SLC2A9: variants seen among roughly 807,000 people sequenced by gnomAD.
The protein encoded by SLC2A9 is solute carrier family 2 member 9, also known as solute carrier family 2, facilitated glucose transporter member 9.
A neutral mutation model predicts 50.6 loss-of-function variants in SLC2A9; 39 were observed. That is an observed-to-expected ratio of 0.77 (90% CI 0.60 to 1.01). SLC2A9 has a LOEUF of 1.01. Ranked by LOEUF, SLC2A9 falls within the 50% of genes least tolerant of loss-of-function variation. The probability of loss-of-function intolerance (pLI) is 0.00; values close to 1 mark genes in which losing one functional copy is unlikely to be tolerated. For synonymous variants in SLC2A9, 324 were observed against 276.9 expected (o/e 1.17, Z -1.69); for missense variants, 686 against 677.6 (o/e 1.01, Z -0.14).
intron 10 of SLC2A9, among the ~76,000 whole-genome samples, chr4:9,881,066 G>T (rs1735119245): frequency 6.6e-6 from 1 of 152,190 alleles, no homozygotes; most frequent in South Asian, 2.1e-4. Context: ...TGCACTCCGG[G>T]GAGTGGTTCC....
At chr4:9,795,611 T>A (rs891741368), downstream of SLC2A9, among the ~76,000 whole-genome samples, 1 of 152,230 alleles carries the variant, frequency 6.6e-6, no homozygotes, top group South Asian at 2.1e-4. Flanking sequence ...CTGGAAAGCA[T>A]TTTTGTGATG....
chr4:9,845,911 T>C (rs1165570417), intron 10 of SLC2A9, among the ~76,000 whole-genome samples: 1 of 152,268 alleles, frequency 6.6e-6, no homozygotes, highest in Non-Finnish European at 1.5e-5. Context: ...GCATTCTGTT[T>C]TGTTTATGTA....
At position 10,036,620 on chromosome 4, in the gene SLC2A9, T is replaced by C. The variant is rs1764112936; in HGVS notation, c.-41+3510A>G. On this transcript the variant is annotated intron_variant, in intron 1 of 12. Coordinates refer to the SLC2A9 transcript ENST00000309065. ...TTTTACATGGCTGTTTAACATTCTA[T>C]CTTTTACTCGGCCATATTTCATTTA... 1.3e-5 allele frequency among the ~76,000 whole-genome samples: 2 copies of C among 152,242 alleles called. 1 individual carries two copies. Among genetic ancestry groups the C allele is most frequent in the Admixed American group, 1.3e-4 (2 of 15,282 alleles).
intron 5 of SLC2A9, among the ~76,000 whole-genome samples, chr4:9,957,928 A>G (rs1297460217): frequency 1.3e-5 from 2 of 152,224 alleles, no homozygotes; most frequent in African/African-American, 4.8e-5. Flanking sequence ...GGAAATGAGT[A>G]TTGAGAATTC....
chr4:9,774,264 ATTAAAGGCG>A (rs1210458062), intron 1 of SLC2A9, among the ~76,000 whole-genome samples: 1 of 152,132 alleles, frequency 6.6e-6, no homozygotes, highest in Non-Finnish European at 1.5e-5. Context: ...AAGTGCTGGG[ATTAAAGGCG>A]TGAGCCACCA....
chr4:9,891,504 C>T (rs2109793979), intron 8 of SLC2A9, among the ~76,000 whole-genome samples: 1 of 152,352 alleles, frequency 6.6e-6, no homozygotes, highest in East Asian at 1.9e-4. Context: ...AAATATCCTT[C>T]CACAAGAGTG....
At chr4:10,033,045 G>A (rs145365371) in intron 1 of SLC2A9, among the ~76,000 whole-genome samples, 82 of 152,290 alleles carry the variant, frequency 5.4e-4, no homozygotes, top group Admixed American at 1.4e-3. Flanking sequence ...CCACCTATGT[G>A]CAGACTCCTC....
chr4:9,835,813 G>A (rs55653516), intron 10 of SLC2A9, among the ~76,000 whole-genome samples: 15,708 of 152,026 alleles, frequency 0.1, 882 homozygotes, highest in African/African-American at 0.11. Flanking sequence ...GGGGCCAGGC[G>A]CGGTGGCTCA....
At chr4:9,933,554 C>T (rs1746524233) in intron 6 of SLC2A9, among the ~76,000 whole-genome samples, 1 of 152,220 alleles carries the variant, frequency 6.6e-6, no homozygotes, top group African/African-American at 2.4e-5. Context: ...CATTTCCTCG[C>T]TGAGTCTTAG....
intron 5 of SLC2A9, among the ~76,000 whole-genome samples, chr4:9,974,983 T>C (rs1754549128): frequency 6.6e-6 from 1 of 152,192 alleles, no homozygotes; most frequent in African/African-American, 2.4e-5. Context: ...TTGACAAAGT[T>C]GACAGAAATA....
upstream of SLC2A9, among the ~76,000 whole-genome samples, chr4:10,022,341 G>T (rs146158632): frequency 5.2e-3 from 794 of 152,340 alleles, 7 homozygotes; most frequent in Middle Eastern, 0.02. Context: ...CAAAGGCGAG[G>T]GCTGTGGGTT....
intron 5 of SLC2A9, among the ~76,000 whole-genome samples, chr4:9,967,361 G>A (rs181617626): frequency 2.4e-3 from 371 of 152,106 alleles, no homozygotes; most frequent in African/African-American, 8.5e-3. Flanking sequence ...CTAAAATTAT[G>A]TTATGTTGAA....
At chr4:9,813,369 A>G (rs544876776) in intron 3 of SLC2A9, among the ~76,000 whole-genome samples, 62 of 152,324 alleles carry the variant, frequency 4.1e-4, no homozygotes, top group African/African-American at 1.3e-3. Context: ...CCATGTCTTC[A>G]GCCCTTGGTC....
At chr4:9,894,350 T>A (rs1481816907) in intron 8 of SLC2A9, among the ~76,000 whole-genome samples, 1 of 152,198 alleles carries the variant, frequency 6.6e-6, no homozygotes, top group Non-Finnish European at 1.5e-5. Flanking sequence ...AAACATGTAG[T>A]TATATAATAT....
At chr4:9,981,728 T>A (rs1387332319) in intron 4 of SLC2A9, among the ~76,000 whole-genome samples, 1 of 152,206 alleles carries the variant, frequency 6.6e-6, no homozygotes, top group Non-Finnish European at 1.5e-5. Flanking sequence ...TAATAGTTTT[T>A]TTCTCTAAAC....
intron 7 of SLC2A9, among the ~76,000 whole-genome samples, chr4:9,913,607 A>T (rs1423850345): frequency 2.0e-5 from 3 of 151,898 alleles, no homozygotes; most frequent in Non-Finnish European, 4.4e-5. Flanking sequence ...TAGGGAACAT[A>T]CCTCCCTCTC....
At chr4:9,942,068 T>C (rs1748258228) in intron 5 of SLC2A9, 23 bp from the exon 6 acceptor site, 5 of 1,613,620 alleles carry the variant, frequency 3.1e-6, no homozygotes, top group South Asian at 1.1e-5. Context: ...GAGATGCTGC[T>C]GAGTGCAGTG....
intron 10 of SLC2A9, among the ~76,000 whole-genome samples, chr4:9,846,466 T>C (rs367980688): frequency 1.3e-5 from 2 of 152,064 alleles, no homozygotes; most frequent in African/African-American, 2.4e-5. Context: ...TGAGGAGGTA[T>C]AGCAGATGCT....
chr4:9,993,128 A>G (rs1757999021), intron 3 of SLC2A9, among the ~76,000 whole-genome samples: 1 of 152,234 alleles, frequency 6.6e-6, no homozygotes, highest in African/African-American at 2.4e-5. Context: ...GTAGGTGCTC[A>G]AAAATGTTTG....
Sources: allele counts gnomAD v4.1 joint callset (sites outside exome capture counted in the v4.1 genomes callset), GRCh38; gene constraint gnomAD v4.1.1; transcripts MANE v1.5; gene names NCBI Gene and HGNC (gene_info 2026-07-23, HGNC 2026-07-21).